The following MYOM1 variants were observed in gnomAD, a reference collection of about 807,000 sequenced individuals.
The protein encoded by MYOM1 is myomesin-1.
In MYOM1, 164 loss-of-function variants were observed where a neutral mutation model predicts 205.3. The observed-to-expected ratio is 0.80, with a 90% confidence interval of 0.70 to 0.91. MYOM1 has a LOEUF of 0.91. Ranked by LOEUF, MYOM1 falls within the 40% of genes least tolerant of loss-of-function variation. The pLI, the probability that MYOM1 is intolerant of heterozygous loss-of-function variation, is 0.00. For missense variants in MYOM1, 2,011 were observed against 2,127.3 expected, an observed-to-expected ratio of 0.95 and a Z score of 1.08; for synonymous variants, 772 against 789.4, an observed-to-expected ratio of 0.98 and a Z score of 0.37.
chr18:3,200,173 C>CA (rs1407026334), intron 2 of MYOM1, among the ~76,000 whole-genome samples: 3 of 151,860 alleles, frequency 2.0e-5, no homozygotes, highest in African/African-American at 7.2e-5. Context: ...CAGCTGAAAA[C>CA]AAAAACAAAA....
In MYOM1 at chr18:3,079,293, C is replaced by G; in HGVS notation, c.4534G>C (p.Glu1512Gln). 1.2e-6 allele frequency: 2 copies of G among 1,613,952 alleles called. No individual in the cohort carries two copies. Among genetic ancestry groups the G allele is most frequent in the Non-Finnish European group, 1.7e-6 (2 of 1,179,864 alleles). Residue 1512 changes from glutamate to glutamine, a missense_variant, in exon 34 of 38, where the codon GAG (glutamate) becomes CAG (glutamine). Coordinates refer to ENST00000356443, the MANE Select transcript of MYOM1 (RefSeq NM_003803.4). Reference sequence around the variant, plus strand: ...TCGTTGATTTGTAGCCAGATCTGCTCTCCAGTGACCCCGGTCTTAACTCTG... The same window carrying G: ...TCGTTGATTTGTAGCCAGATCTGCTGTCCAGTGACCCCGGTCTTAACTCTG... ...SDRVKTGVTG[E>Q]QIWLQINEPT...
chr18:3,114,356 A>G (rs564721461), intron 21 of MYOM1, among the ~76,000 whole-genome samples: 1 of 150,248 alleles, frequency 6.7e-6, no homozygotes, highest in African/African-American at 2.4e-5. Context: ...CGTAATCGAG[A>G]TCATCGATGC....
intron 10 of MYOM1, among the ~76,000 whole-genome samples, chr18:3,157,120 C>T (rs953427833): frequency 2.0e-5 from 3 of 152,194 alleles, no homozygotes; most frequent in African/African-American, 7.2e-5. Flanking sequence ...TATACCACAA[C>T]AACCAGGAGC....
intron 33 of MYOM1, 75 bp from the exon 34 acceptor site, chr18:3,079,417 G>C: frequency 6.9e-7 from 1 of 1,456,710 alleles, no homozygotes; most frequent in Non-Finnish European, 9.2e-7. Context: ...TCTCATTGAA[G>C]CTCTTGCCAT....
chr18:3,241,396 C>G, the MYOM1 span, among the ~76,000 whole-genome samples: 1 of 152,182 alleles, frequency 6.6e-6, no homozygotes, highest in Non-Finnish European at 1.5e-5. Flanking sequence ...CAAGGTACAG[C>G]TCGGGCCGTG....
chr18:3,232,732 T>C, the MYOM1 span, among the ~76,000 whole-genome samples: 7 of 152,366 alleles, frequency 4.6e-5, no homozygotes, highest in East Asian at 1.3e-3. Context: ...TTACCTATAA[T>C]TCACCTGCAG....
intron 10 of MYOM1, among the ~76,000 whole-genome samples, chr18:3,156,302 A>T (rs1158994621): frequency 6.6e-6 from 1 of 152,036 alleles, no homozygotes; most frequent in Non-Finnish European, 1.5e-5. Flanking sequence ...CCAAACAAAC[A>T]CTTTCTTTCC....
intron 2 of MYOM1, 24 bp from the exon 3 acceptor site, chr18:3,193,982 G>C: frequency 3.1e-6 from 5 of 1,602,034 alleles, no homozygotes; most frequent in Non-Finnish European, 4.3e-6. Context: ...CCTAACATCA[G>C]ACAGTAACAA....
intron 14 of MYOM1, among the ~76,000 whole-genome samples, chr18:3,141,546 G>A (rs1455336686): frequency 6.6e-6 from 1 of 152,126 alleles, no homozygotes; most frequent in Non-Finnish European, 1.5e-5. Context: ...GCCTCACGAT[G>A]TTCATGTCCT....
In MYOM1 at chr18:3,113,781, A is replaced by C. The variant is rs138757912; in HGVS notation, c.3304-1369T>G. On this transcript the variant is annotated intron_variant, in intron 21 of 37. Coordinates refer to ENST00000356443, the MANE Select transcript of MYOM1 (RefSeq NM_003803.4). ...AGAAGGAATTTATTACACAGAGGGC[A>C]TAATTTTTCCCCAAGATGTGATAGA... 1.2e-3 allele frequency among the ~76,000 whole-genome samples: 178 copies of C among 152,356 alleles called. 1 individual carries two copies. The highest frequency in any genetic ancestry group is 3.7e-3 in the African/African-American group (154 of 41,580).
chr18:3,123,446 G>A (rs1276638440), intron 19 of MYOM1, among the ~76,000 whole-genome samples: 1 of 151,926 alleles, frequency 6.6e-6, no homozygotes, highest in Non-Finnish European at 1.5e-5. Context: ...ACAAACCTCT[G>A]TAGAGAATCG....
chr18:3,112,458 G>T (rs377385702), intron 21 of MYOM1, 46 bp from the exon 22 acceptor site: 2 of 1,461,116 alleles, frequency 1.4e-6, no homozygotes, highest in African/African-American at 1.4e-5. Context: ...ATGAAGCAGT[G>T]GCTGTTTTAT....
chr18:3,190,368 G>T (rs2080886836), intron 3 of MYOM1: 1 of 152,114 alleles, frequency 6.6e-6, no homozygotes, highest in African/African-American at 2.4e-5. Context: ...AGCAAATGCT[G>T]CCATTGTGTT....
At position 3,197,655 on chromosome 18, in the gene MYOM1, C is replaced by T. The variant is rs577962712; in HGVS notation, c.291-3697G>A. ...TTGGGAGGCCAAGGCGGGCGGATCA[C>T]GAGGTCAGGAGATCGAGACCATCCT... On this transcript the variant is annotated intron_variant, in intron 2 of 37. Coordinates refer to ENST00000356443, the MANE Select transcript of MYOM1 (RefSeq NM_003803.4). Among the ~76,000 whole-genome samples, 157 of 151,906 alleles carry T rather than the reference C, an allele frequency of 1.0e-3. 2 individuals carry two copies. The highest frequency in any genetic ancestry group is 3.2e-3 in the Admixed American group (49 of 15,268).
intron 21 of MYOM1, among the ~76,000 whole-genome samples, chr18:3,115,774 G>A (rs1326063044): frequency 6.6e-6 from 1 of 152,116 alleles, no homozygotes; most frequent in African/African-American, 2.4e-5. Flanking sequence ...ATGGTTCAAT[G>A]AGCACACTCT....
rs1598658942 is a variant in MYOM1 at position 3,089,224 on chromosome 18, A to G, written c.4087T>C (p.Tyr1363His). Residue 1363 changes from tyrosine to histidine, a missense_variant, in exon 29 of 38, where the codon TAT (tyrosine) becomes CAT (histidine). Transcript: ENST00000356443. ...IRKQGPHFVE[Y>H]LSWEVTGECN... The stretch of plus-strand genomic sequence containing the variant: ...TCACCAGTCACTTCCCAGCTCAAAT[A>G]CTCAACAAAGTGAGGACCTATAAAA... 1 of 1,611,794 alleles carries G rather than the reference A, an allele frequency of 6.2e-7. No homozygotes were observed. Among genetic ancestry groups the G allele is most frequent in the Non-Finnish European group, 8.5e-7 (1 of 1,178,452 alleles).
chr18:3,166,263 C>CTTTTTTTTTTTT (rs765532198), intron 9 of MYOM1, among the ~76,000 whole-genome samples: 2 of 111,668 alleles, frequency 1.8e-5, no homozygotes, highest in Non-Finnish European at 1.8e-5. Flanking sequence ...TATCTCAAGT[C>CTTTTTTTTTTTT]TTTTTTTTTT....
chr18:3,201,924 G>A (rs1359941994), intron 2 of MYOM1, among the ~76,000 whole-genome samples: 3 of 152,024 alleles, frequency 2.0e-5, no homozygotes, highest in Non-Finnish European at 4.4e-5. Flanking sequence ...AATTGCACAT[G>A]TAAGCCACTG....
chr18:3,103,730 T>C lies in MYOM1; in HGVS notation c.3419-1100A>G, dbSNP rs142558689. On this transcript the variant is annotated intron_variant, in intron 22 of 37. Coordinates refer to ENST00000356443, the MANE Select transcript of MYOM1 (RefSeq NM_003803.4). ...GCCAACATCCTGGCCTACTGTCCAA[T>C]AAAACTTGTTAGTGGAAAAAAAATT... Among the ~76,000 whole-genome samples the C allele has an allele frequency of 1.9e-3, 293 of 152,314 alleles. 1 individual carries two copies. Among genetic ancestry groups the C allele is most frequent in the Non-Finnish European group, 3.1e-3 (211 of 68,022 alleles).
Sources: allele counts gnomAD v4.1 joint callset (sites outside exome capture counted in the v4.1 genomes callset), GRCh38; gene constraint gnomAD v4.1.1; transcripts MANE v1.5; gene names NCBI Gene and HGNC (gene_info 2026-07-23, HGNC 2026-07-21).